Variants in CREBBP observed in about 807,000 individuals in gnomAD.
CREBBP encodes the protein CREB binding lysine acetyltransferase, also known as CREB-binding protein.
In CREBBP, 19 loss-of-function variants were observed where a neutral mutation model predicts 265.0. The observed-to-expected ratio is 0.07, with a 90% CI of 0.05 to 0.11. The LOEUF (loss-of-function observed/expected upper bound fraction) is 0.11, where lower values mean the gene tolerates loss of function less well. CREBBP is among the 10% of genes least tolerant of loss of function. The pLI, the probability that CREBBP is intolerant of heterozygous loss-of-function variation, is 1.00. For synonymous variants in CREBBP, 1,457 were observed against 1,223.7 expected (o/e 1.19, Z -3.98); for missense variants, 2,525 against 3,219.0 (o/e 0.78, Z 5.22).
At chr16:3,849,446 T>G (rs1567360595) in intron 2 of CREBBP, among the ~76,000 whole-genome samples, 62 of 33,648 alleles carry the variant, frequency 1.8e-3, no homozygotes, top group Non-Finnish European at 3.7e-3. Context: ...TGTGTGTGTG[T>G]GTGTGTGTGT....
chr16:3,750,061 G>C (rs1280690039), intron 20 of CREBBP, among the ~76,000 whole-genome samples: 1 of 152,020 alleles, frequency 6.6e-6, no homozygotes, highest in South Asian at 2.1e-4. Flanking sequence ...CTAATTTTTT[G>C]ATTTTTTGTG....
chr16:3,880,362 CCGA>C lies in CREBBP; in HGVS notation c.-449_-447del, dbSNP rs1365497200. 217 of 144,172 alleles carry C rather than the reference CCGA, an allele frequency of 1.5e-3. 8 individuals are homozygous for C. The East Asian group carries it at 0.038, about 25-fold the overall frequency. The allele number at this position is 144,172 out of a possible 1,614,324, so 8.9% of individuals were successfully genotyped here. The stretch of plus-strand genomic sequence containing the variant: ...CCCACTTAATGAATTCGCTCGCGGC[CCGA>C]CGACGAGGGGGCTCCGGGCTCCGCT... On this transcript the variant is annotated 5_prime_UTR_variant, in exon 1 of 31. Transcript: ENST00000262367.
chr16:3,772,491 C>T (rs2053037220), intron 13 of CREBBP, among the ~76,000 whole-genome samples: 2 of 152,066 alleles, frequency 1.3e-5, no homozygotes, highest in South Asian at 4.1e-4. Flanking sequence ...TTGGCAATCT[C>T]CCAGGGCAAA....
rs368145743 is a variant in CREBBP at position 3,729,277 on chromosome 16, C to T, written c.5770G>A (p.Val1924Met). ...GTGGTGGGGGGCTGAGTCCGGGCCA[C>T]GCTGGGGAAGCCAGCTGGTGACATG... The part of the protein sequence containing the change: ...VSMSPAGFPS[V>M]ARTQPPTTVS... Residue 1924 changes from valine to methionine, a missense_variant, in exon 31 of 31, where the codon GTG becomes ATG. This residue lies in a region of CREBBP where 275 missense variants were observed against 276.5 expected (regional missense o/e 0.99). Coordinates refer to ENST00000262367, the MANE Select transcript of CREBBP (RefSeq NM_004380.3). 764 of 1,531,896 alleles carry T rather than the reference C, an allele frequency of 5.0e-4. No individual in the cohort carries two copies. The highest frequency in any genetic ancestry group is 6.3e-4 in the Non-Finnish European group (723 of 1,143,634). The allele number at this position is 1,531,896 out of a possible 1,614,324, so 94.9% of individuals were successfully genotyped here. A position where few individuals can be genotyped will look rare whatever the true frequency, so the allele number is the denominator to read the frequency against.
intron 2 of CREBBP, among the ~76,000 whole-genome samples, chr16:3,849,428 T>TGTGTGTGTGTGTGTGTGTGTG (rs2054750646): frequency 1.3e-4 from 1 of 7,940 alleles, no homozygotes; most frequent in African/African-American, 1.6e-4. Context: ...TGTGTGTGTG[T>TGTGTGTGTGTGTGTGTGTGTG]GTGTGTGTGT....
intron 3 of CREBBP, among the ~76,000 whole-genome samples, chr16:3,796,101 T>C (rs1260241310): frequency 2.6e-5 from 4 of 152,164 alleles, no homozygotes; most frequent in Non-Finnish European, 5.9e-5. Context: ...ACAGTTGTCC[T>C]CTCACTGTGT....
chr16:3,765,987 C>T (rs897601991), intron 16 of CREBBP, among the ~76,000 whole-genome samples: 7 of 152,286 alleles, frequency 4.6e-5, no homozygotes, highest in Non-Finnish European at 8.8e-5. Context: ...CCACCATGCA[C>T]GCCCTGCTTT....
Position 3,793,401 on chromosome 16 carries a change from C to A in CREBBP, c.1201G>T (p.Gly401Trp). 6.2e-7 allele frequency: 1 copy of A among 1,613,978 alleles called. No individual in the cohort carries two copies. Among genetic ancestry groups the A allele is most frequent in the South Asian group, 1.1e-5 (1 of 91,010 alleles). ...VLNHMTHCQA[G>W]KACQVAHCAS... ...CAGCACTTACCTTGGCAGGCTTTCCCAGCCTGACAATGCGTCATGTGATTC... is the reference window on the plus strand; with the variant it reads ...CAGCACTTACCTTGGCAGGCTTTCCAAGCCTGACAATGCGTCATGTGATTC... Residue 401 changes from glycine to tryptophan, a missense_variant, in exon 4 of 31, where the codon GGG (glycine) becomes TGG (tryptophan). This residue lies in a region of CREBBP where 126 missense variants were observed against 171.9 expected (regional missense o/e 0.73). Coordinates refer to ENST00000262367, the MANE Select transcript of CREBBP (RefSeq NM_004380.3).
At chr16:3,793,237 G>T in intron 4 of CREBBP, 149 bp downstream of exon 4, 2 of 1,039,258 alleles carry the variant, frequency 1.9e-6, no homozygotes, top group Admixed American at 3.5e-5. Flanking sequence ...TCGTCGCGTG[G>T]GGAACGTGAG....
chr16:3,829,834 T>A (rs990588451), intron 2 of CREBBP, among the ~76,000 whole-genome samples: 1 of 152,118 alleles, frequency 6.6e-6, no homozygotes, highest in African/African-American at 2.4e-5. Context: ...GAATTCTATA[T>A]TTAAACAAAC....
rs369521603 is a variant in CREBBP at position 3,770,603 on chromosome 16, C to T, written c.2847G>A (p.Pro949=). The T allele has an allele frequency of 6.8e-6, 11 of 1,613,558 alleles. No homozygotes were observed. Among genetic ancestry groups the T allele is most frequent in the African/African-American group, 6.7e-5 (5 of 74,890 alleles). ...VATPQSSQQQ[P]TPVHAQPPGT... is the part of the protein sequence containing the mutation. Reference sequence around the variant, plus strand: ...CAGGAGGCTGGGCGTGCACAGGCGTCGGCTGTTGCTGCGATGACTGAGGGG... The same window carrying T: ...CAGGAGGCTGGGCGTGCACAGGCGTTGGCTGTTGCTGCGATGACTGAGGGG... The change falls in exon 14 of 31, where the codon CCG becomes CCA. Residue 949 remains proline, a synonymous_variant. Transcript: ENST00000262367.
At position 3,879,723 on chromosome 16, in the gene CREBBP, C is replaced by T. The variant is rs1332116468; in HGVS notation, c.85+109G>A. The T allele has an allele frequency of 1.5e-5, 18 of 1,220,660 alleles. No homozygotes were observed. The African/African-American group carries it at 2.7e-4, about 18-fold the overall frequency. The allele number at this position is 1,220,660 out of a possible 1,614,324, so 75.6% of individuals were successfully genotyped here. A position where few individuals can be genotyped will look rare whatever the true frequency, so the allele number is the denominator to read the frequency against. On this transcript the variant is annotated intron_variant, in intron 1 of 30. Coordinates refer to ENST00000262367, the MANE Select transcript of CREBBP (RefSeq NM_004380.3). Reference sequence around the variant, plus strand: ...AGGGGAACGGGCTGCGGGGCCTGCTCCGAGCTCCCGGCTCGATCGGTATCC... The same window carrying T: ...AGGGGAACGGGCTGCGGGGCCTGCTTCGAGCTCCCGGCTCGATCGGTATCC...
At chr16:3,747,841 G>T (rs2052379257) in intron 21 of CREBBP, among the ~76,000 whole-genome samples, 1 of 152,108 alleles carries the variant, frequency 6.6e-6, no homozygotes, top group Admixed American at 6.5e-5. Flanking sequence ...TGTAATCCCA[G>T]CACCTTGAGA....
intron 1 of CREBBP, among the ~76,000 whole-genome samples, chr16:3,853,268 T>C (rs2054891349): frequency 6.6e-6 from 1 of 152,200 alleles, no homozygotes; most frequent in Non-Finnish European, 1.5e-5. Flanking sequence ...CTGTCTATTA[T>C]TATTACTGCT....
chr16:3,781,340 A>C (rs773919389), intron 6 of CREBBP, 34 bp from the exon 7 acceptor site: 1 of 1,534,250 alleles, frequency 6.5e-7, no homozygotes, highest in Non-Finnish European at 9.0e-7. Context: ...ATCAACAGTT[A>C]AATTTTAATA....
intron 4 of CREBBP, 87 bp from the exon 5 acceptor site, chr16:3,792,181 TAAG>T: frequency 9.0e-7 from 1 of 1,112,698 alleles, no homozygotes; most frequent in Non-Finnish European, 1.4e-6. Context: ...CCAGATTCCA[TAAG>T]AAAATGGTAA....
intron 11 of CREBBP, among the ~76,000 whole-genome samples, chr16:3,776,026 C>T (rs1431252042): frequency 9.2e-5 from 14 of 152,164 alleles, no homozygotes; most frequent in Non-Finnish European, 1.9e-4. Context: ...AAGCAATTCT[C>T]CTGCCTCAGC....
At chr16:3,826,174 C>T (rs1233572173) in intron 2 of CREBBP, among the ~76,000 whole-genome samples, 1 of 152,086 alleles carries the variant, frequency 6.6e-6, no homozygotes, top group African/African-American at 2.4e-5. Flanking sequence ...GATAACATCA[C>T]TGCACTCCAG....
intron 11 of CREBBP, among the ~76,000 whole-genome samples, chr16:3,777,171 TAA>T (rs2053160877): frequency 6.7e-6 from 1 of 150,074 alleles, no homozygotes; most frequent in Admixed American, 6.6e-5. Flanking sequence ...CCGTCTCTAT[TAA>T]AAATACAAAA....
Sources: gnomAD v4.1 joint callset for allele counts (sites outside exome capture counted in the v4.1 genomes callset) on GRCh38, gnomAD v4.1.1 for gene constraint, gnomAD v4.1.1 regional missense constraint, MANE v1.5 for transcripts, NCBI Gene and HGNC (gene_info 2026-07-23, HGNC 2026-07-21) for gene names.